Variants in GAS6 observed in about 807,000 individuals in gnomAD.
GAS6 encodes the protein growth arrest specific 6.
Under a neutral mutation model 75.8 loss-of-function variants are expected in GAS6, and 41 were observed. The observed-to-expected ratio is 0.54, with a 90% CI of 0.42 to 0.70. The LOEUF (loss-of-function observed/expected upper bound fraction) is 0.70. GAS6 is among the 30% of genes least tolerant of loss of function. The probability of loss-of-function intolerance (pLI) is 0.00; values close to 1 mark genes in which losing one functional copy is unlikely to be tolerated. For synonymous variants in GAS6, 432 were observed against 412.6 expected (o/e 1.05, Z -0.57); for missense variants, 854 against 940.2 (o/e 0.91, Z 1.20).
rs77565607 is a variant in GAS6, at chr13:113,820,884, C to T, written c.2017G>A (p.Val673Met). The T allele has an allele frequency of 9.7e-5, 156 of 1,610,922 alleles. 6 individuals carry two copies. In the South Asian group the frequency reaches 1.2e-3, roughly 12 times the overall value. Reference sequence around the variant, plus strand: ...GGGGCCTAGGCTGCGGCGGGCTCCACGGGGGGGCAGGAGTGGGCCGTGATG... The same window carrying T: ...GGGGCCTAGGCTGCGGCGGGCTCCATGGGGGGGCAGGAGTGGGCCGTGATG... Reference protein sequence around the residue: ...SDITAHSCPPVEPAAA With the variant: ...SDITAHSCPPMEPAAA The change falls in exon 15 of 15, where the codon GTG (valine) becomes ATG (methionine). Residue 673 changes from valine (V) to methionine (M), a missense_variant. By Grantham distance (21) the Val-to-Met change is conservative (BLOSUM62 1). Transcript: ENST00000327773.
intron 3 of GAS6, chr13:113,846,840 C>T (rs1198798926): frequency 7.4e-6 from 4 of 537,782 alleles, no homozygotes; most frequent in African/African-American, 3.8e-5. Context: ...CACCGCCCGC[C>T]GTTTCGAGGG....
chr13:113,863,563 C>G lies in GAS6; in HGVS notation c.255+12G>C. The G allele has an allele frequency of 6.7e-7, 1 of 1,503,076 alleles. No homozygotes were observed. 93.1% of individuals were successfully genotyped at this position (1,503,076 alleles called of 1,614,324 possible). On this transcript the variant is annotated intron_variant, in intron 2 of 14. Coordinates refer to ENST00000327773, the MANE Select transcript of GAS6 (RefSeq NM_000820.4). The surrounding 1 kb of genome is among the most constrained non-coding windows in gnomAD (Gnocchi z 9.4). ...CAGGGGTTCCCCCGCATCCCGCCCG[C>G]CGGCTGCTCACCGTCTCGGGGTCGT...
At position 113,832,404 on chromosome 13, in the gene GAS6, G is replaced by A. The variant is rs374445149; in HGVS notation, c.1038C>T (p.Ile346=). The change falls in exon 10 of 15, where the codon ATC becomes ATT. Residue 346 remains isoleucine (I), a synonymous_variant. Coordinates refer to ENST00000327773, the MANE Select transcript of GAS6 (RefSeq NM_000820.4). ...FAGGHQDSTW[I]VLALRAGRLE... is the part of the protein sequence containing the mutation. ...GCCGGCCGGCTCTCAGGGCCAGCAC[G>A]ATCCAGGTGCTGTCCTGGTGGCCTC... 8.7e-5 allele frequency: 141 copies of A among 1,612,134 alleles called. No individual in the cohort carries two copies. The highest frequency in any genetic ancestry group is 3.6e-4 in the South Asian group (33 of 91,042).
intron 2 of GAS6, among the ~76,000 whole-genome samples, chr13:113,853,170 C>T (rs563469001): frequency 1.3e-5 from 2 of 152,372 alleles, no homozygotes; most frequent in African/African-American, 4.8e-5. Context: ...ACAGGAAACA[C>T]TTTTGGGCCC....
chr13:113,850,403 C>CCT (rs2051864152), intron 2 of GAS6, among the ~76,000 whole-genome samples: 4 of 152,204 alleles, frequency 2.6e-5, no homozygotes, highest in African/African-American at 9.6e-5. Flanking sequence ...AAGAGCAAGA[C>CCT]CTATGGTAAT....
rs200560351 is a variant in GAS6 at position 113,832,771 on chromosome 13, A to G, written c.835-19T>C. ...AGATGTCCTGCCACGGACGGGGGCC[A>G]CGCCGGTCGGGGATGTGGCCTTCAC... On this transcript the variant is annotated intron_variant, in intron 8 of 14. Coordinates refer to ENST00000327773, the MANE Select transcript of GAS6 (RefSeq NM_000820.4). 21 of 1,612,318 alleles carry G rather than the reference A, an allele frequency of 1.3e-5. 1 individual carries two copies. Among genetic ancestry groups the G allele is most frequent in the Non-Finnish European group, 1.6e-5 (19 of 1,179,850 alleles).
chr13:113,855,596 A>G (rs2138663497), intron 2 of GAS6, among the ~76,000 whole-genome samples: 1 of 152,306 alleles, frequency 6.6e-6, no homozygotes, highest in Admixed American at 6.5e-5. Context: ...TCCAACGCGC[A>G]GGGGCCTGGC....
chr13:113,823,309 AGGGAGTGCAGCCCACGTACCCGTGG>A, intron 13 of GAS6, 41 bp downstream of exon 13: 1 of 1,496,898 alleles, frequency 6.7e-7, no homozygotes, highest in Non-Finnish European at 9.0e-7. Flanking sequence ...GTCCCCTGCC[AGGGAGTGCAGCCCACGTACCCGTGG>A]GTCGAGCCGG....
chr13:113,827,693 A>G (rs550644905), intron 11 of GAS6, among the ~76,000 whole-genome samples: 122 of 149,196 alleles, frequency 8.2e-4, no homozygotes, highest in African/African-American at 2.9e-3. Flanking sequence ...CAGCACAGGC[A>G]CTGCCGACAC....
intron 2 of GAS6, among the ~76,000 whole-genome samples, chr13:113,853,232 G>T (rs2051889883): frequency 1.3e-5 from 2 of 152,196 alleles, no homozygotes. Flanking sequence ...AGTTTGGAAG[G>T]TTCCAGAACA....
chr13:113,863,113 A>G lies in GAS6; in HGVS notation c.255+462T>C, dbSNP rs569352687. Among the ~76,000 whole-genome samples the G allele has an allele frequency of 4.6e-5, 7 of 152,162 alleles. No homozygotes were observed. Among genetic ancestry groups the G allele is most frequent in the Non-Finnish European group, 8.8e-5 (6 of 67,964 alleles). On this transcript the variant is annotated intron_variant, in intron 2 of 14. Coordinates refer to ENST00000327773, the MANE Select transcript of GAS6 (RefSeq NM_000820.4). The surrounding 1 kb of genome is among the most constrained non-coding windows in gnomAD (Gnocchi z 9.4). ...CATGCGGCCCCGCTCGATTCCTGGA[A>G]TCTTATTTTTGGACCTGCTGCCGCA...
At chr13:113,846,173 C>T (rs747626870) in intron 4 of GAS6, among the ~76,000 whole-genome samples, 15 of 151,980 alleles carry the variant, frequency 9.9e-5, no homozygotes, top group East Asian at 5.8e-4. Context: ...TAAGCCGCCA[C>T]GCGTGTGAAG....
chr13:113,828,762 G>A (rs1432082576), intron 10 of GAS6, 51 bp from the exon 11 acceptor site: 1 of 1,576,654 alleles, frequency 6.3e-7, no homozygotes, highest in Non-Finnish European at 8.7e-7. Context: ...GTTCTGAAGG[G>A]GCTCCCAACT....
Position 113,837,877 on chromosome 13 carries a change from C to T in GAS6, c.589+192G>A, listed in dbSNP as rs892807339. 1.3e-5 allele frequency among the ~76,000 whole-genome samples: 2 copies of T among 152,176 alleles called. No individual in the cohort carries two copies. Among genetic ancestry groups the T allele is most frequent in the Non-Finnish European group, 2.9e-5 (2 of 68,016 alleles). The stretch of plus-strand genomic sequence containing the variant: ...CCTGGCCCTCAGATGCCGGGTGAGT[C>T]ATCCTGGTGTGGTGCCGAGCAGCTC... On this transcript the variant is annotated intron_variant, in intron 6 of 14. Transcript: ENST00000327773. The surrounding 1 kb of genome is among the most constrained non-coding windows in gnomAD (Gnocchi z 5.1).
chr13:113,837,152 G>A lies in GAS6; in HGVS notation c.589+917C>T, dbSNP rs1034177210. On this transcript the variant is annotated intron_variant, in intron 6 of 14. Transcript: ENST00000327773. This position sits in a 1 kb window ranked among gnomAD's most constrained non-coding sequence, Gnocchi z 5.1. ...TGATGGGAGGGGCTCTGTCCTCGGC[G>A]GGGAAATGGGTTTATGTGTTAAGAT... is the stretch of plus-strand genomic sequence containing the variant. Among the ~76,000 whole-genome samples the A allele has an allele frequency of 3.3e-5, 5 of 151,900 alleles. No individual in the cohort carries two copies. Among genetic ancestry groups the A allele is most frequent in the South Asian group, 2.1e-4 (1 of 4,824 alleles).
chr13:113,858,647 CTGTA>C (rs141018749), intron 2 of GAS6, among the ~76,000 whole-genome samples: 1 of 133,168 alleles, frequency 7.5e-6, no homozygotes, highest in East Asian at 2.6e-4. Context: ...GTGTTTGTGA[CTGTA>C]TGTGTACATG....
rs541105211 is a variant in GAS6 at position 113,825,905 on chromosome 13, C to T, written c.1477+1091G>A. On this transcript the variant is annotated intron_variant, in intron 12 of 14. Coordinates refer to ENST00000327773, the MANE Select transcript of GAS6 (RefSeq NM_000820.4). The stretch of plus-strand genomic sequence containing the variant: ...GTGGATCCCCTTGAACCTGGGGTTC[C>T]TGCTGGGTGCTTGAGGGCCGGCAGC... Among the ~76,000 whole-genome samples, 47 of 152,272 alleles carry T rather than the reference C, an allele frequency of 3.1e-4. No homozygotes were observed. In the South Asian group the frequency reaches 8.3e-3, roughly 27 times the overall value.
chr13:113,861,467 A>G (rs908237308), intron 2 of GAS6, among the ~76,000 whole-genome samples: 2 of 152,200 alleles, frequency 1.3e-5, no homozygotes, highest in African/African-American at 4.8e-5. Flanking sequence ...AATCAGCCGC[A>G]CTGCACAAAA....
intron 2 of GAS6, among the ~76,000 whole-genome samples, chr13:113,854,180 T>G (rs552723481): frequency 6.6e-6 from 1 of 152,318 alleles, no homozygotes; most frequent in Admixed American, 6.5e-5. Context: ...CATCCTGGTG[T>G]GACTGCCCGG....
Sources: gnomAD v4.1 joint callset for allele counts (sites outside exome capture counted in the v4.1 genomes callset) on GRCh38, gnomAD v4.1.1 for gene constraint, Gnocchi (gnomAD v3.1) non-coding constraint, MANE v1.5 for transcripts, NCBI Gene and HGNC (gene_info 2026-07-23, HGNC 2026-07-21) for gene names.